The following MAPRE3 variants were observed in gnomAD, a reference collection of about 807,000 sequenced individuals.
MAPRE3 encodes the protein microtubule associated protein RP/EB family member 3, also known as microtubule-associated protein RP/EB family member 3.
Under a neutral mutation model 30.5 loss-of-function variants are expected in MAPRE3, and 2 were observed. The ratio of observed to expected loss-of-function variants is 0.07; its 90% CI spans 0.03 to 0.21. MAPRE3 has a LOEUF of 0.21. Among genes scored for constraint, MAPRE3 ranks in the 10% least tolerant of loss-of-function variants. The pLI, the probability that MAPRE3 is intolerant of heterozygous loss-of-function variation, is 1.00. For synonymous variants in MAPRE3, 110 were observed against 127.7 expected, an observed-to-expected ratio of 0.86 and a Z score of 0.93; for missense variants, 204 against 351.8, an observed-to-expected ratio of 0.58 and a Z score of 3.36.
intron 1 of MAPRE3, chr2:26,995,420 G>A (rs928259350): frequency 2.0e-5 from 3 of 152,272 alleles, no homozygotes; most frequent in Middle Eastern, 3.4e-3. Flanking sequence ...ACCGAGGCAG[G>A]GAAACTGCAA....
At position 26,994,291 on chromosome 2, in the gene MAPRE3, T is replaced by A. The variant is rs1364926426; in HGVS notation, c.-8+23489T>A. Among the ~76,000 whole-genome samples, 4 of 152,232 alleles carry A rather than the reference T, an allele frequency of 2.6e-5. No individual in the cohort carries two copies. The South Asian group carries it at 6.2e-4, about 24-fold the overall frequency. On this transcript the variant is annotated intron_variant, in intron 1 of 6. Coordinates refer to ENST00000233121, the MANE Select transcript of MAPRE3 (RefSeq NM_012326.4). ...TTAATAAATATACTTCTTCCCTGTA[T>A]CATGGTGGCTTGAAAATCAGAAAGG...
chr2:26,972,320 T>C (rs148939141), intron 1 of MAPRE3, among the ~76,000 whole-genome samples: 254 of 152,364 alleles, frequency 1.7e-3, no homozygotes, highest in African/African-American at 5.9e-3. Flanking sequence ...GAAATAACTA[T>C]TTCACTCTTT....
At chr2:27,025,811 G>A (rs750003842) in intron 5 of MAPRE3, 69 bp from the exon 6 acceptor site, 158 of 1,613,388 alleles carry the variant, frequency 9.8e-5, no homozygotes, top group Non-Finnish European at 1.2e-4. Context: ...CTGCAGGGAC[G>A]AGAGGAGGGC....
At chr2:26,993,226 C>T (rs1030480132) in intron 1 of MAPRE3, among the ~76,000 whole-genome samples, 2 of 152,076 alleles carry the variant, frequency 1.3e-5, no homozygotes, top group East Asian at 3.9e-4. Context: ...AAAACTTAGC[C>T]GGGAGTGGTG....
In MAPRE3 at chr2:27,019,481, GC is replaced by G. The variant is rs545012941; in HGVS notation, c.-7-2729del. On this transcript the variant is annotated intron_variant, in intron 1 of 6. Transcript: ENST00000233121. ...ATGGTTCAACGTTACTGAACGTCTT[GC>G]CTGTGACAGGCCTGGATACCCCACT... 1.2e-4 allele frequency among the ~76,000 whole-genome samples: 18 copies of G among 152,290 alleles called. No homozygotes were observed. In the East Asian group the frequency reaches 3.5e-3, roughly 29 times the overall value.
At chr2:27,001,511 T>C (rs1666593919) in intron 1 of MAPRE3, among the ~76,000 whole-genome samples, 1 of 151,950 alleles carries the variant, frequency 6.6e-6, no homozygotes, top group African/African-American at 2.4e-5. Context: ...CCATCATTCA[T>C]AGATAGATAG....
intron 1 of MAPRE3, among the ~76,000 whole-genome samples, chr2:26,988,836 G>A (rs959032973): frequency 6.6e-6 from 1 of 152,192 alleles, no homozygotes; most frequent in African/African-American, 2.4e-5. Flanking sequence ...CTCTTCCCTA[G>A]AGGGGGTTTC....
chr2:26,997,592 C>T (rs539728859), intron 1 of MAPRE3, among the ~76,000 whole-genome samples: 6 of 152,224 alleles, frequency 3.9e-5, no homozygotes, highest in African/African-American at 7.2e-5. Context: ...GGAGCTCAGG[C>T]GGGAATGCTC....
intron 1 of MAPRE3, among the ~76,000 whole-genome samples, chr2:27,011,527 C>T (rs1341844810): frequency 4.6e-5 from 7 of 152,130 alleles, no homozygotes; most frequent in African/African-American, 1.7e-4. Context: ...TGTCAGTGGT[C>T]AGTAAGCACT....
Position 26,986,085 on chromosome 2 carries a change from C to A in MAPRE3, c.-8+15283C>A, listed in dbSNP as rs1340627205. 1.3e-5 allele frequency among the ~76,000 whole-genome samples: 2 copies of A among 152,194 alleles called. No homozygotes were observed. The highest frequency in any genetic ancestry group is 4.8e-5 in the African/African-American group (2 of 41,464). ...TGCCAAAATCAAGGTGTTGGCAAGG[C>A]TGTGTTTCTTCTGGAGCCTCCAGGA... On this transcript the variant is annotated intron_variant, in intron 1 of 6. Transcript: ENST00000233121. The surrounding 1 kb of genome is among the most constrained non-coding windows in gnomAD (Gnocchi z 4.2).
intron 1 of MAPRE3, among the ~76,000 whole-genome samples, chr2:26,984,622 A>G (rs1025855503): frequency 1.3e-5 from 2 of 152,244 alleles, no homozygotes; most frequent in African/African-American, 4.8e-5. Flanking sequence ...TCTTCTGCAT[A>G]TGCAGCTTCA....
chr2:27,023,350 T>G lies in MAPRE3; in HGVS notation c.140T>G (p.Phe47Cys). The G allele has an allele frequency of 6.2e-7, 1 of 1,606,446 alleles. No individual in the cohort carries two copies. The highest frequency in any genetic ancestry group is 8.5e-7 in the Non-Finnish European group (1 of 1,173,484). ...QLCSGAAYCQ[F>C]MDMLFPGCVH... ...TCCACAGGGGCAGCCTACTGCCAGT[T>G]CATGGACATGCTCTTCCCCGGCTGT... The change falls in exon 3 of 7, where the codon TTC becomes TGC. Residue 47 changes from phenylalanine to cysteine, a missense_variant. Around this residue, in one of 5 missense-constraint regions of MAPRE3, gnomAD observed 101 missense variants for 205.4 expected, o/e 0.49. Coordinates refer to ENST00000233121, the MANE Select transcript of MAPRE3 (RefSeq NM_012326.4).
intron 1 of MAPRE3, among the ~76,000 whole-genome samples, chr2:26,980,124 G>A (rs1367905528): frequency 2.0e-5 from 3 of 152,218 alleles, no homozygotes; most frequent in East Asian, 1.9e-4. Context: ...AAATTAGGAT[G>A]ATTCAGCAGC....
rs1000884904 is a variant in MAPRE3 at position 27,026,484 on chromosome 2, G to C, written c.*136G>C. On this transcript the variant is annotated 3_prime_UTR_variant, in exon 7 of 7. Transcript: ENST00000233121. ...GCTGCAGCACTGGGGAGCCAGGCGA[G>C]GGGGGCTTGGGGGCATGGGGCCGGA... 22 of 703,724 alleles carry C rather than the reference G, an allele frequency of 3.1e-5. No homozygotes were observed. The highest frequency in any genetic ancestry group is 1.7e-4 in the East Asian group (6 of 34,586). The allele number at this position is 703,724 out of a possible 1,614,324, so 43.6% of individuals were successfully genotyped here.
At chr2:26,992,966 C>T (rs1383867964) in intron 1 of MAPRE3, among the ~76,000 whole-genome samples, 1 of 152,202 alleles carries the variant, frequency 6.6e-6, no homozygotes, top group Admixed American at 6.5e-5. Context: ...TTATATTCTG[C>T]TACTTTCCCT....
intron 3 of MAPRE3, 113 bp from the exon 4 acceptor site, chr2:27,023,983 G>T: frequency 1.3e-6 from 1 of 764,984 alleles, no homozygotes; most frequent in Non-Finnish European, 2.2e-6. Flanking sequence ...GGAGAAGGTG[G>T]AGGACGCTGC....
intron 3 of MAPRE3, 140 bp downstream of exon 3, chr2:27,023,617 A>G (rs779723935): frequency 1.0e-6 from 1 of 976,652 alleles, no homozygotes; most frequent in East Asian, 2.6e-5. Flanking sequence ...TCCAGAGGGA[A>G]TTTTCCCCCT....
chr2:27,002,501 T>A (rs1468482588), intron 1 of MAPRE3, among the ~76,000 whole-genome samples: 5 of 152,136 alleles, frequency 3.3e-5, no homozygotes, highest in African/African-American at 1.2e-4. Flanking sequence ...AAGAACCCAT[T>A]TCCCTGTACC....
intron 1 of MAPRE3, among the ~76,000 whole-genome samples, chr2:26,991,179 G>T (rs1213450845): frequency 6.6e-6 from 1 of 152,176 alleles, no homozygotes; most frequent in East Asian, 1.9e-4. Flanking sequence ...GTGTGAACCG[G>T]GAAGGCAGAG....
Sources: gnomAD v4.1 joint callset for allele counts (sites outside exome capture counted in the v4.1 genomes callset) on GRCh38, gnomAD v4.1.1 for gene constraint, gnomAD v4.1.1 regional missense constraint, Gnocchi (gnomAD v3.1) non-coding constraint, MANE v1.5 for transcripts, NCBI Gene and HGNC (gene_info 2026-07-23, HGNC 2026-07-21) for gene names.